TNFSF4: variants seen among roughly 807,000 people sequenced by gnomAD.
TNFSF4 encodes the protein TNF superfamily member 4, also known as tumor necrosis factor ligand superfamily member 4.
TNFSF4 carries 4 observed loss-of-function variants against 7.3 expected under a neutral mutation model. The observed-to-expected ratio is 0.55, with a 90% CI of 0.27 to 1.25. The LOEUF is 1.25. Among genes scored for constraint, TNFSF4 ranks in the 50% most tolerant of loss-of-function variants. TNFSF4 has a pLI of 0.12. For missense variants in TNFSF4, 181 were observed against 208.8 expected, an observed-to-expected ratio of 0.87 and a Z score of 0.82; for synonymous variants, 76 against 83.7, an observed-to-expected ratio of 0.91 and a Z score of 0.50.
downstream of TNFSF4, among the ~76,000 whole-genome samples, chr1:173,179,663 ATTC>A (rs1393690407): frequency 1.3e-5 from 2 of 152,176 alleles, no homozygotes; most frequent in African/African-American, 4.8e-5. Context: ...GATGATGTTC[ATTC>A]TTCTTCTAGT....
the TNFSF4 span, among the ~76,000 whole-genome samples, chr1:173,311,465 A>G: frequency 5.3e-5 from 8 of 151,980 alleles, no homozygotes; most frequent in African/African-American, 1.9e-4. Context: ...AGTAAACAAT[A>G]AAGGAATAAA....
chr1:173,243,165 T>G, the TNFSF4 span, among the ~76,000 whole-genome samples: 82 of 152,300 alleles, frequency 5.4e-4, no homozygotes, highest in South Asian at 5.2e-3. Context: ...CCTTAACTAC[T>G]CTATAGACAA....
chr1:173,404,519 G>A, the TNFSF4 span, among the ~76,000 whole-genome samples: 1 of 152,124 alleles, frequency 6.6e-6, no homozygotes, highest in Admixed American at 6.5e-5. Context: ...ATAAGGAACT[G>A]TAATTATTCA....
At chr1:173,317,102 C>A in the TNFSF4 span, among the ~76,000 whole-genome samples, 1 of 152,274 alleles carries the variant, frequency 6.6e-6, no homozygotes, top group Non-Finnish European at 1.5e-5. Context: ...TCTCTGGGAG[C>A]TTTGAGCTGC....
chr1:173,382,737 G>C, the TNFSF4 span, among the ~76,000 whole-genome samples: 4 of 152,012 alleles, frequency 2.6e-5, no homozygotes, highest in East Asian at 7.7e-4. Flanking sequence ...ACCTTTCCCT[G>C]CCTGCCTGGA....
chr1:173,259,724 C>A, the TNFSF4 span, among the ~76,000 whole-genome samples: 1 of 152,044 alleles, frequency 6.6e-6, no homozygotes, highest in Non-Finnish European at 1.5e-5. Context: ...CCAAATAGAC[C>A]AAGCGGAGAA....
the TNFSF4 span, among the ~76,000 whole-genome samples, chr1:173,263,282 T>C: frequency 1.2e-4 from 18 of 152,316 alleles, no homozygotes; most frequent in African/African-American, 4.3e-4. Context: ...GAAAAAATTA[T>C]TTTAAAATAA....
chr1:173,200,854 A>G (rs1649914503), intron 1 of TNFSF4, among the ~76,000 whole-genome samples: 1 of 152,218 alleles, frequency 6.6e-6, no homozygotes, highest in African/African-American at 2.4e-5. Context: ...TTAAATTAGT[A>G]TAAGAAGAAT....
At chr1:173,437,543 C>T in the TNFSF4 span, among the ~76,000 whole-genome samples, 1 of 151,970 alleles carries the variant, frequency 6.6e-6, no homozygotes, top group Non-Finnish European at 1.5e-5. Flanking sequence ...TTTTAGTGTC[C>T]TTCTCCCACA....
At chr1:173,389,130 T>A in the TNFSF4 span, among the ~76,000 whole-genome samples, 1 of 152,186 alleles carries the variant, frequency 6.6e-6, no homozygotes, top group Non-Finnish European at 1.5e-5. Context: ...ACTAAAGCTA[T>A]CATCATTTAA....
chr1:173,178,317 T>G, the TNFSF4 span, among the ~76,000 whole-genome samples: 1 of 152,234 alleles, frequency 6.6e-6, no homozygotes, highest in Non-Finnish European at 1.5e-5. Flanking sequence ...GGCTCACCCC[T>G]GTAATCCCAG....
At chr1:173,317,563 AG>A in the TNFSF4 span, among the ~76,000 whole-genome samples, 3 of 152,264 alleles carry the variant, frequency 2.0e-5, no homozygotes, top group Admixed American at 2.0e-4. Flanking sequence ...GATTTAAAAA[AG>A]GATTTAATTT....
the TNFSF4 span, among the ~76,000 whole-genome samples, chr1:173,236,000 T>TA: frequency 6.6e-6 from 1 of 152,124 alleles, no homozygotes; most frequent in Non-Finnish European, 1.5e-5. Context: ...TTCACCAACT[T>TA]AAAAAAATAT....
the TNFSF4 span, among the ~76,000 whole-genome samples, chr1:173,377,827 C>T: frequency 6.6e-6 from 1 of 152,164 alleles, no homozygotes; most frequent in Non-Finnish European, 1.5e-5. Context: ...GAAATGGTAT[C>T]TTTCCTATTC....
the TNFSF4 span, among the ~76,000 whole-genome samples, chr1:173,227,610 A>C: frequency 6.6e-6 from 1 of 152,364 alleles, no homozygotes; most frequent in Admixed American, 6.5e-5. Context: ...GGTGCAGCCC[A>C]GCAAACGTGA....
chr1:173,197,111 G>T (rs1649736101), intron 1 of TNFSF4, among the ~76,000 whole-genome samples: 1 of 152,180 alleles, frequency 6.6e-6, no homozygotes, highest in African/African-American at 2.4e-5. Context: ...ACTATACATT[G>T]CTCAAGGTTT....
At chr1:173,377,536 G>A in the TNFSF4 span, among the ~76,000 whole-genome samples, 2 of 152,274 alleles carry the variant, frequency 1.3e-5, no homozygotes, top group South Asian at 2.1e-4. Flanking sequence ...CTATCCTATC[G>A]ATCCTGACCC....
At chr1:173,445,209 C>T in the TNFSF4 span, among the ~76,000 whole-genome samples, 1 of 152,172 alleles carries the variant, frequency 6.6e-6, no homozygotes, top group African/African-American at 2.4e-5. Flanking sequence ...TACCTAAGGA[C>T]TCTGAAAGGT....
At chr1:173,376,122 G>C in the TNFSF4 span, among the ~76,000 whole-genome samples, 4 of 152,292 alleles carry the variant, frequency 2.6e-5, no homozygotes, top group Non-Finnish European at 4.4e-5. Flanking sequence ...GATGTTTTAT[G>C]AATACCCATG....
Sources: allele counts gnomAD v4.1 joint callset (sites outside exome capture counted in the v4.1 genomes callset), GRCh38; gene constraint gnomAD v4.1.1; transcripts MANE v1.5; gene names NCBI Gene and HGNC (gene_info 2026-07-23, HGNC 2026-07-21).